GALNT13: variants seen among roughly 807,000 people sequenced by gnomAD.
GALNT13 encodes the protein polypeptide N-acetylgalactosaminyltransferase 13, also known as UDP-GalNAc:polypeptide N-acetylgalactosaminyltransferase 13.
In GALNT13, 28 loss-of-function variants were observed where a neutral mutation model predicts 64.2. That is an observed-to-expected ratio of 0.44 (90% CI 0.32 to 0.60). The LOEUF (loss-of-function observed/expected upper bound fraction) is 0.60. Ranked by LOEUF, GALNT13 falls within the 20% of genes least tolerant of loss-of-function variation. The pLI is 0.05. For missense variants in GALNT13, 577 were observed against 669.8 expected, an observed-to-expected ratio of 0.86 and a Z score of 1.53; for synonymous variants, 214 against 224.6, an observed-to-expected ratio of 0.95 and a Z score of 0.42.
At chr2:153,162,328 C>T in the GALNT13 span, among the ~76,000 whole-genome samples, 9 of 152,078 alleles carry the variant, frequency 5.9e-5, no homozygotes, top group Non-Finnish European at 1.3e-4. Flanking sequence ...ACCTTTTGGT[C>T]TTTTATTTTA....
intron 3 of GALNT13, among the ~76,000 whole-genome samples, chr2:154,068,784 A>T (rs1411882613): frequency 6.6e-6 from 1 of 152,060 alleles, no homozygotes; most frequent in Non-Finnish European, 1.5e-5. Context: ...ATAGTTAGAT[A>T]GAATGAATAA....
chr2:153,468,197 C>A, the GALNT13 span, among the ~76,000 whole-genome samples: 1 of 151,936 alleles, frequency 6.6e-6, no homozygotes, highest in South Asian at 2.1e-4. Flanking sequence ...ATTCTTATCT[C>A]AAAAATCATT....
At chr2:153,095,425 T>C in the GALNT13 span, among the ~76,000 whole-genome samples, 2 of 152,210 alleles carry the variant, frequency 1.3e-5, no homozygotes, top group Non-Finnish European at 2.9e-5. Context: ...ATAGGAACTT[T>C]TACACTGTTG....
chr2:154,342,547 A>C (rs1253983966), intron 9 of GALNT13, among the ~76,000 whole-genome samples: 4 of 146,942 alleles, frequency 2.7e-5, no homozygotes, highest in Non-Finnish European at 1.5e-5. Flanking sequence ...TTTAAAATCA[A>C]ATTAAGTATA....
At chr2:154,097,500 T>C (rs1385986326) in intron 3 of GALNT13, among the ~76,000 whole-genome samples, 1 of 152,086 alleles carries the variant, frequency 6.6e-6, no homozygotes. Flanking sequence ...ATAAAGATAA[T>C]ATACACTGTT....
rs143375745 is a variant in GALNT13 at position 154,101,153 on chromosome 2, TTTG to T, written c.143-39161_143-39159del. ...TGCATCTGTGTTTATCAGGGATATT[TTTG>T]TTGTTGTTGTTGTTGTTGTTGTATC... is the stretch of plus-strand genomic sequence containing the variant. On this transcript the variant is annotated intron_variant, in intron 3 of 12. Coordinates refer to ENST00000392825, the MANE Select transcript of GALNT13 (RefSeq NM_052917.4). Among the ~76,000 whole-genome samples the T allele has an allele frequency of 1.2e-4, 18 of 151,172 alleles. No individual in the cohort carries two copies. The South Asian group carries it at 1.9e-3, about 16-fold the overall frequency.
At chr2:153,660,931 C>A in the GALNT13 span, among the ~76,000 whole-genome samples, 31,849 of 151,966 alleles carry the variant, frequency 0.21, 4,170 homozygotes, top group Middle Eastern at 0.44. Flanking sequence ...AGGCACTGCC[C>A]GTGAAGCAGC....
At chr2:153,222,358 TTAGAAGGGAGGAAGTACTTGC>T in the GALNT13 span, among the ~76,000 whole-genome samples, 1 of 30,560 alleles carries the variant, frequency 3.3e-5, no homozygotes, top group African/African-American at 1.2e-4. Flanking sequence ...GCTTATAGGC[TTAGAAGGGAGGAAGTACTTGC>T]TGATTGGTCC....
At chr2:154,073,526 A>C (rs918636504) in intron 3 of GALNT13, among the ~76,000 whole-genome samples, 3 of 151,942 alleles carry the variant, frequency 2.0e-5, no homozygotes, top group African/African-American at 7.2e-5. Flanking sequence ...GTTATAAACA[A>C]ACGTATTTTC....
the GALNT13 span, among the ~76,000 whole-genome samples, chr2:153,371,757 A>G: frequency 1.3e-5 from 2 of 152,192 alleles, no homozygotes; most frequent in Non-Finnish European, 2.9e-5. Context: ...AGAAATCCCA[A>G]TCAAAATTCT....
the GALNT13 span, among the ~76,000 whole-genome samples, chr2:153,617,900 G>C: frequency 1.3e-5 from 2 of 151,718 alleles, no homozygotes; most frequent in Non-Finnish European, 3.0e-5. Context: ...CAGTTGTAAT[G>C]TCTCCTTTTT....
At chr2:153,974,673 T>C (rs1440954239) in intron 3 of GALNT13, among the ~76,000 whole-genome samples, 2 of 152,060 alleles carry the variant, frequency 1.3e-5, no homozygotes, top group Non-Finnish European at 2.9e-5. Flanking sequence ...GGAAGAGTTC[T>C]GGAGAAGAGG....
chr2:153,572,708 G>A, the GALNT13 span, among the ~76,000 whole-genome samples: 3 of 151,696 alleles, frequency 2.0e-5, no homozygotes, highest in African/African-American at 7.3e-5. Context: ...CCCACTGGTC[G>A]TTCAGGAGCA....
At chr2:153,702,711 A>G in the GALNT13 span, among the ~76,000 whole-genome samples, 4 of 152,136 alleles carry the variant, frequency 2.6e-5, no homozygotes, top group South Asian at 4.1e-4. Context: ...CAAGGAAGCA[A>G]TGGGGAGAGT....
At chr2:153,482,463 TTTTTTG>T in the GALNT13 span, among the ~76,000 whole-genome samples, 1 of 152,244 alleles carries the variant, frequency 6.6e-6, no homozygotes. Context: ...CTTGGGCATG[TTTTTTG>T]TTTTTGTTTT....
At chr2:153,827,389 C>T in the GALNT13 span, among the ~76,000 whole-genome samples, 65,378 of 151,794 alleles carry the variant, frequency 0.43, 15,104 homozygotes, top group Admixed American at 0.59. Context: ...TTCGGGAGGC[C>T]GAGGTGGGTG....
chr2:153,201,535 T>G, the GALNT13 span, among the ~76,000 whole-genome samples: 1 of 152,292 alleles, frequency 6.6e-6, no homozygotes, highest in Middle Eastern at 3.4e-3. Flanking sequence ...ATGCAAAAAC[T>G]TCTTTAAGAG....
chr2:154,404,068 C>G, intron 10 of GALNT13, among the ~76,000 whole-genome samples: 1 of 152,060 alleles, frequency 6.6e-6, no homozygotes, highest in East Asian at 1.9e-4. Flanking sequence ...TTTCCTAAAC[C>G]ATTGACTCCT....
At chr2:153,657,045 T>C in the GALNT13 span, among the ~76,000 whole-genome samples, 4 of 152,090 alleles carry the variant, frequency 2.6e-5, no homozygotes, top group African/African-American at 9.7e-5. Context: ...GGAAAAGGGA[T>C]GACTGAGTCT....
Sources: gnomAD v4.1 joint callset for allele counts (sites outside exome capture counted in the v4.1 genomes callset) on GRCh38, gnomAD v4.1.1 for gene constraint, MANE v1.5 for transcripts, NCBI Gene and HGNC (gene_info 2026-07-23, HGNC 2026-07-21) for gene names.